Variants in XKR4 observed in about 807,000 individuals in gnomAD.
XKR4 encodes XK-related protein 4.
A neutral mutation model predicts 53.9 loss-of-function variants in XKR4; 12 were observed. That is an observed-to-expected ratio of 0.22 (90% CI 0.14 to 0.36). XKR4 has a LOEUF of 0.36. Among genes scored for constraint, XKR4 ranks in the 10% least tolerant of loss-of-function variants. The pLI is 1.00. For synonymous variants in XKR4, 354 were observed against 362.4 expected (o/e 0.98, Z 0.26); for missense variants, 799 against 859.5 (o/e 0.93, Z 0.88).
intron 2 of XKR4, chr8:55,452,904 T>C: frequency 1.3e-6 from 1 of 795,514 alleles, no homozygotes; most frequent in Non-Finnish European, 2.2e-6. Context: ...GTTGGTATAG[T>C]GGATGGCCTG....
chr8:55,161,762 A>G (rs1247848528), intron 1 of XKR4: 1 of 375,752 alleles, frequency 2.7e-6, no homozygotes, highest in East Asian at 7.6e-5. Context: ...TCATCACTAA[A>G]TTCTTTTCTC....
chr8:55,423,971 C>A (rs1409720257), intron 2 of XKR4, among the ~76,000 whole-genome samples: 1 of 152,176 alleles, frequency 6.6e-6, no homozygotes, highest in Admixed American at 6.5e-5. Flanking sequence ...TGGGAGCAAA[C>A]CTTTCCTTTA....
intron 2 of XKR4, among the ~76,000 whole-genome samples, chr8:55,476,021 CAG>C (rs886149332): frequency 6.6e-6 from 1 of 152,108 alleles, no homozygotes; most frequent in Non-Finnish European, 1.5e-5. Flanking sequence ...GCTGGGATTA[CAG>C]GTGTTAGCCA....
chr8:55,375,308 G>A (rs1804130910), intron 2 of XKR4, among the ~76,000 whole-genome samples: 1 of 152,132 alleles, frequency 6.6e-6, no homozygotes, highest in African/African-American at 2.4e-5. Flanking sequence ...TCCTCCTCTG[G>A]CCTCCTCCTT....
chr8:55,442,821 A>G (rs1204444262), intron 2 of XKR4, among the ~76,000 whole-genome samples: 1 of 152,200 alleles, frequency 6.6e-6, no homozygotes, highest in African/African-American at 2.4e-5. Flanking sequence ...GGCTAGAGAG[A>G]AAGAGGCGTG....
At chr8:55,493,909 C>T (rs1373954157) in intron 2 of XKR4, among the ~76,000 whole-genome samples, 3 of 152,234 alleles carry the variant, frequency 2.0e-5, no homozygotes, top group African/African-American at 7.2e-5. Flanking sequence ...TAGTAATCTT[C>T]GTATCCATCC....
intron 1 of XKR4, among the ~76,000 whole-genome samples, chr8:55,163,312 C>T (rs988418267): frequency 7.2e-5 from 11 of 152,128 alleles, no homozygotes; most frequent in African/African-American, 2.2e-4. Context: ...TAAAATAGAT[C>T]GCATTTAGGT....
chr8:55,445,613 G>A (rs1398223553), intron 2 of XKR4, among the ~76,000 whole-genome samples: 3 of 151,960 alleles, frequency 2.0e-5, no homozygotes, highest in Admixed American at 2.0e-4. Flanking sequence ...TTTAGACCAT[G>A]AACAGATAAA....
chr8:55,519,589 T>C (rs1341850311), intron 2 of XKR4, among the ~76,000 whole-genome samples: 1 of 152,216 alleles, frequency 6.6e-6, no homozygotes, highest in Non-Finnish European at 1.5e-5. Flanking sequence ...ACTGAATTAA[T>C]ACAACAGCCA....
intron 1 of XKR4, among the ~76,000 whole-genome samples, chr8:55,289,635 AAG>A (rs1491285568): frequency 2.6e-4 from 35 of 136,880 alleles, no homozygotes; most frequent in Admixed American, 2.5e-3. Context: ...GAAAGAAAGA[AAG>A]AAAGAAAGAA....
chr8:55,275,106 A>G (rs1818746319), intron 1 of XKR4, among the ~76,000 whole-genome samples: 1 of 152,232 alleles, frequency 6.6e-6, no homozygotes, highest in Non-Finnish European at 1.5e-5. Context: ...TGTACAAAAT[A>G]TTTAGAAAGT....
chr8:55,402,515 C>A (rs935659462), intron 2 of XKR4, among the ~76,000 whole-genome samples: 2 of 152,226 alleles, frequency 1.3e-5, no homozygotes, highest in Non-Finnish European at 2.9e-5. Context: ...GTGGGGTTAG[C>A]ACCCTGTGGG....
chr8:55,231,150 A>G (rs1419098546), intron 1 of XKR4, among the ~76,000 whole-genome samples: 1 of 152,216 alleles, frequency 6.6e-6, no homozygotes, highest in East Asian at 1.9e-4. Context: ...GGTGGTATCT[A>G]TATGTGCACT....
At chr8:55,432,885 G>A (rs1163131620) in intron 2 of XKR4, among the ~76,000 whole-genome samples, 1 of 152,102 alleles carries the variant, frequency 6.6e-6, no homozygotes, top group East Asian at 1.9e-4. Flanking sequence ...TTTCAATGTG[G>A]GGCCTTCTGT....
chr8:55,236,613 A>G (rs1045663051), intron 1 of XKR4, among the ~76,000 whole-genome samples: 1 of 152,178 alleles, frequency 6.6e-6, no homozygotes, highest in Non-Finnish European at 1.5e-5. Flanking sequence ...TCTAAAGTCA[A>G]TTCAGCACCC....
chr8:55,462,949 A>G (rs1281885988), intron 2 of XKR4, among the ~76,000 whole-genome samples: 1 of 152,218 alleles, frequency 6.6e-6, no homozygotes, highest in Non-Finnish European at 1.5e-5. Context: ...TATGCACCCA[A>G]TACAGGAGCA....
At chr8:55,125,225 CTTTTCTT>C (rs1816447774) in intron 1 of XKR4, among the ~76,000 whole-genome samples, 1 of 151,950 alleles carries the variant, frequency 6.6e-6, no homozygotes, top group African/African-American at 2.4e-5. Flanking sequence ...GCTGGTTTTT[CTTTTCTT>C]TTTTCTTTTT....
intron 1 of XKR4, among the ~76,000 whole-genome samples, chr8:55,348,895 T>C (rs1803689778): frequency 6.6e-6 from 1 of 151,952 alleles, no homozygotes; most frequent in African/African-American, 2.4e-5. Context: ...ACTAGATAAA[T>C]ACAGATAGAC....
At chr8:55,283,417 T>C (rs1818866934) in intron 1 of XKR4, among the ~76,000 whole-genome samples, 1 of 152,240 alleles carries the variant, frequency 6.6e-6, no homozygotes, top group African/African-American at 2.4e-5. Context: ...CAGGATCTTG[T>C]CTGTCAACTT....
Sources: allele counts gnomAD v4.1 joint callset (sites outside exome capture counted in the v4.1 genomes callset), GRCh38; gene constraint gnomAD v4.1.1; transcripts MANE v1.5; gene names NCBI Gene and HGNC (gene_info 2026-07-23, HGNC 2026-07-21).